MAD1L1: variants seen among roughly 807,000 people sequenced by gnomAD.
The protein encoded by MAD1L1 is mitotic spindle assembly checkpoint protein MAD1.
Under a neutral mutation model 96.9 loss-of-function variants are expected in MAD1L1, and 95 were observed. The ratio of observed to expected loss-of-function variants is 0.98; its 90% confidence interval spans 0.83 to 1.16. The LOEUF (loss-of-function observed/expected upper bound fraction) is 1.16. Among genes scored for constraint, MAD1L1 ranks in the 50% most tolerant of loss-of-function variants. The pLI, the probability that MAD1L1 is intolerant of heterozygous loss-of-function variation, is 0.00. For synonymous variants in MAD1L1, 473 were observed against 396.6 expected (o/e 1.19, Z -2.29); for missense variants, 1,007 against 954.4 (o/e 1.06, Z -0.73).
In MAD1L1 at chr7:2,103,963, C is replaced by T. The variant is rs55805893; in HGVS notation, c.1074-34625G>A. Among the ~76,000 whole-genome samples, 4,957 of 152,316 alleles carry T rather than the reference C, an allele frequency of 0.033. 111 individuals carry two copies. Among genetic ancestry groups the T allele is most frequent in the South Asian group, 0.09 (433 of 4,820 alleles). On this transcript the variant is annotated intron_variant, in intron 11 of 18. Transcript: ENST00000265854. This position sits in a 1 kb window ranked among gnomAD's most constrained non-coding sequence, Gnocchi z 4.3. The stretch of plus-strand genomic sequence containing the variant: ...GGCCCCCAGACACATGGCAGAGAAT[C>T]AAATATGCAGCCGGTGTCTGGAAAT...
chr7:1,835,801 G>T (rs1188221924), intron 18 of MAD1L1, among the ~76,000 whole-genome samples: 1 of 152,194 alleles, frequency 6.6e-6, no homozygotes, highest in Non-Finnish European at 1.5e-5. Context: ...TGTATTTCTT[G>T]ATTATATGCT....
chr7:1,846,059 C>A (rs1562450564), intron 18 of MAD1L1: 1 of 152,680 alleles, frequency 6.5e-6, no homozygotes, highest in Non-Finnish European at 1.5e-5. Context: ...GACAGCCACA[C>A]AGGCAGTCTC....
chr7:2,191,168 T>TG (rs1791697093), intron 10 of MAD1L1, among the ~76,000 whole-genome samples: 1 of 152,168 alleles, frequency 6.6e-6, no homozygotes, highest in African/African-American at 2.4e-5. Flanking sequence ...CAGACACAAA[T>TG]GACTGCATGA....
Position 2,067,264 on chromosome 7 carries a change from C to T in MAD1L1, c.1218+1930G>A, listed in dbSNP as rs373873978. ...TCATCAGGCCACGTTCGCAGGCACC[C>T]GGGGTCATCAGGCCACGTTCGCAGG... On this transcript the variant is annotated intron_variant, in intron 12 of 18. Coordinates refer to ENST00000265854, the MANE Select transcript of MAD1L1 (RefSeq NM_001013836.2). Among the ~76,000 whole-genome samples, 14 of 151,762 alleles carry T rather than the reference C, an allele frequency of 9.2e-5. No individual in the cohort carries two copies. The East Asian group carries it at 2.5e-3, about 27-fold the overall frequency.
chr7:2,150,751 G>C (rs923417107), intron 10 of MAD1L1, among the ~76,000 whole-genome samples: 1 of 152,186 alleles, frequency 6.6e-6, no homozygotes, highest in Admixed American at 6.5e-5. Context: ...ACCCAGGGCT[G>C]GTCATAAGCC....
chr7:2,228,039 C>T (rs1045419336), intron 3 of MAD1L1, among the ~76,000 whole-genome samples: 9 of 152,116 alleles, frequency 5.9e-5, no homozygotes, highest in Admixed American at 2.6e-4. Flanking sequence ...GAGAGAACCA[C>T]GACGAAGTCC....
intron 12 of MAD1L1, among the ~76,000 whole-genome samples, chr7:2,060,112 A>T (rs73047093): frequency 0.13 from 18,566 of 140,370 alleles, 1,785 homozygotes; most frequent in African/African-American, 0.26. Flanking sequence ...GATACGCCGA[A>T]GCCAAGATGC....
In MAD1L1 at chr7:2,151,945, C is replaced by T. The variant is rs117176461; in HGVS notation, c.987-2707G>A. On this transcript the variant is annotated intron_variant, in intron 10 of 18. Coordinates refer to ENST00000265854, the MANE Select transcript of MAD1L1 (RefSeq NM_001013836.2). ...GAGAAACCTGAGTACTCTGGAGCCC[C>T]GGGGCATCCATCTCCATCACCCAAG... Among the ~76,000 whole-genome samples the T allele has an allele frequency of 2.5e-3, 387 of 152,306 alleles. 1 individual carries two copies. The highest frequency in any genetic ancestry group is 4.8e-3 in the South Asian group (23 of 4,824).
chr7:1,959,067 C>G (rs962627455), intron 15 of MAD1L1, among the ~76,000 whole-genome samples: 1 of 152,188 alleles, frequency 6.6e-6, no homozygotes, highest in Admixed American at 6.5e-5. Flanking sequence ...GCCTGGCCAA[C>G]ATGGCGTAAC....
intron 5 of MAD1L1, chr7:2,220,790 T>C (rs1793560030): frequency 1.6e-6 from 2 of 1,267,722 alleles, no homozygotes; most frequent in Non-Finnish European, 1.1e-6. Context: ...CAGTGAAGCA[T>C]CAACCTGGGA....
chr7:2,217,981 T>G lies in MAD1L1; in HGVS notation c.659A>C (p.Asp220Ala). ...ELQASQEARA[D>A]HEQQIKDLEQ... ...ACTCACCTTAATCTGCTGCTCGTGG[T>G]CTGCTCTTGCTTCTTGGCTGGCCTG... The change falls in exon 7 of 19, where the codon GAC becomes GCC. Residue 220 changes from aspartate to alanine, a missense_variant. Asp to Ala is a moderately radical substitution (Grantham distance 126, BLOSUM62 -2). Coordinates refer to ENST00000265854, the MANE Select transcript of MAD1L1 (RefSeq NM_001013836.2). The G allele has an allele frequency of 6.2e-7, 1 of 1,614,090 alleles. No individual in the cohort carries two copies. Among genetic ancestry groups the G allele is most frequent in the Non-Finnish European group, 8.5e-7 (1 of 1,179,914 alleles).
In MAD1L1 at chr7:2,034,579, C is replaced by G. The variant is rs1783382812; in HGVS notation, c.1219-19937G>C. Among the ~76,000 whole-genome samples, 4 of 152,190 alleles carry G rather than the reference C, an allele frequency of 2.6e-5. No homozygotes were observed. The South Asian group carries it at 8.3e-4, about 32-fold the overall frequency. ...GTACAGCCAAAAAAGATTTTATTTT[C>G]AAGGAATGCTTAATGGCACAGGCAC... On this transcript the variant is annotated intron_variant, in intron 12 of 18. Transcript: ENST00000265854.
At chr7:1,824,996 G>A (rs535355402) in intron 18 of MAD1L1, among the ~76,000 whole-genome samples, 8 of 125,500 alleles carry the variant, frequency 6.4e-5, no homozygotes, top group Admixed American at 2.3e-4. Flanking sequence ...AGTGCAAAAG[G>A]ACTCTTAGAA....
chr7:2,162,385 G>A (rs1790195527), intron 10 of MAD1L1, among the ~76,000 whole-genome samples: 1 of 152,130 alleles, frequency 6.6e-6, no homozygotes, highest in Admixed American at 6.5e-5. Flanking sequence ...GATGCTTGAA[G>A]GCAGCATGCT....
intron 11 of MAD1L1, among the ~76,000 whole-genome samples, chr7:2,113,911 C>T (rs904002127): frequency 3.3e-5 from 5 of 152,132 alleles, no homozygotes; most frequent in Non-Finnish European, 7.3e-5. Context: ...CAGGAGAGAC[C>T]GAGGAGCAGA....
chr7:1,999,734 C>A (rs1010990526), intron 14 of MAD1L1, among the ~76,000 whole-genome samples: 3 of 152,208 alleles, frequency 2.0e-5, no homozygotes, highest in African/African-American at 7.2e-5. Flanking sequence ...ATCGGTAAAG[C>A]GAATCTTCCC....
chr7:2,022,157 T>C (rs1562615265), intron 12 of MAD1L1, among the ~76,000 whole-genome samples: 1 of 152,074 alleles, frequency 6.6e-6, no homozygotes, highest in Non-Finnish European at 1.5e-5. Context: ...TGGACGATTG[T>C]TTGAAGTATA....
At chr7:2,218,917 C>T (rs1793437079) in intron 6 of MAD1L1, among the ~76,000 whole-genome samples, 1 of 151,376 alleles carries the variant, frequency 6.6e-6, no homozygotes, top group African/African-American at 2.4e-5. Context: ...AAAAATTAGC[C>T]AGGTGTACTG....
chr7:2,104,010 G>A (rs1451033181), intron 11 of MAD1L1, among the ~76,000 whole-genome samples: 1 of 152,230 alleles, frequency 6.6e-6, no homozygotes, highest in African/African-American at 2.4e-5. Flanking sequence ...GGTAAGGAGT[G>A]TGCTCCTCAG....
Sources: gnomAD v4.1 joint callset for allele counts (sites outside exome capture counted in the v4.1 genomes callset) on GRCh38, gnomAD v4.1.1 for gene constraint, Gnocchi (gnomAD v3.1) non-coding constraint, MANE v1.5 for transcripts, NCBI Gene and HGNC (gene_info 2026-07-23, HGNC 2026-07-21) for gene names.